Variants in RBFOX3 observed in about 807,000 individuals in gnomAD.
RBFOX3 encodes the protein RNA binding protein fox-1 homolog 3.
A neutral mutation model predicts 48.7 loss-of-function variants in RBFOX3; 17 were observed. The observed-to-expected ratio is 0.35, with a 90% CI of 0.24 to 0.52. The LOEUF is 0.52. Ranked by LOEUF, RBFOX3 falls within the 20% of genes least tolerant of loss-of-function variation. RBFOX3 has a pLI of 0.94. For synonymous variants in RBFOX3, 212 were observed against 209.5 expected, an observed-to-expected ratio of 1.01 and a Z score of -0.10; for missense variants, 382 against 497.5, an observed-to-expected ratio of 0.77 and a Z score of 2.21.
intron 4 of RBFOX3, among the ~76,000 whole-genome samples, chr17:79,158,674 C>T (rs1307482958): frequency 6.6e-6 from 1 of 152,200 alleles, no homozygotes; most frequent in South Asian, 2.1e-4. Context: ...GGGCTCAGAG[C>T]TCACTGTTTT....
At chr17:79,569,517 G>A (rs941867214) in intron 1 of RBFOX3, among the ~76,000 whole-genome samples, 11 of 152,238 alleles carry the variant, frequency 7.2e-5, no homozygotes, top group African/African-American at 2.7e-4. Flanking sequence ...ATTGTGTGGT[G>A]AATGATGATG....
chr17:79,272,903 G>A (rs974034977), intron 3 of RBFOX3, among the ~76,000 whole-genome samples: 1 of 119,856 alleles, frequency 8.3e-6, no homozygotes, highest in African/African-American at 3.1e-5. Context: ...TGCTTGCCCC[G>A]TGTCCCCATC....
intron 2 of RBFOX3, among the ~76,000 whole-genome samples, chr17:79,373,707 C>T (rs376433826): frequency 2.6e-5 from 4 of 152,114 alleles, no homozygotes; most frequent in African/African-American, 7.2e-5. Context: ...AGAGCTCCCC[C>T]TCAACCCCCG....
intron 4 of RBFOX3, among the ~76,000 whole-genome samples, chr17:79,194,048 G>T (rs1355225392): frequency 6.6e-6 from 1 of 152,172 alleles, no homozygotes; most frequent in Non-Finnish European, 1.5e-5. Flanking sequence ...AAACCCTGAT[G>T]TTCTCCCTGC....
intron 2 of RBFOX3, among the ~76,000 whole-genome samples, chr17:79,454,272 G>T (rs1433629036): frequency 6.6e-6 from 1 of 152,114 alleles, no homozygotes; most frequent in African/African-American, 2.4e-5. Flanking sequence ...CCTCCCTTGA[G>T]GCCTCTCCTC....
chr17:79,248,403 A>G (rs1355533599), intron 3 of RBFOX3, among the ~76,000 whole-genome samples: 3 of 152,126 alleles, frequency 2.0e-5, no homozygotes. Flanking sequence ...GTGGCTTTGA[A>G]GTGATTAAAA....
the RBFOX3 span, among the ~76,000 whole-genome samples, chr17:79,628,015 C>T: frequency 6.6e-6 from 1 of 151,700 alleles, no homozygotes; most frequent in Non-Finnish European, 1.5e-5. Flanking sequence ...TGCACAGAGG[C>T]TCTGCTCAGG....
intron 2 of RBFOX3, among the ~76,000 whole-genome samples, chr17:79,394,816 C>A (rs953902123): frequency 1.3e-5 from 2 of 152,196 alleles, no homozygotes; most frequent in Non-Finnish European, 2.9e-5. Flanking sequence ...ACTCCTGAGA[C>A]GTCCCGGGCC....
chr17:79,420,128 TACACAC>T (rs58282867), intron 2 of RBFOX3, among the ~76,000 whole-genome samples: 1,423 of 114,330 alleles, frequency 0.012, 10 homozygotes, highest in African/African-American at 0.014. Context: ...CTCCGTCTCA[TACACAC>T]ACACACACAC....
intron 2 of RBFOX3, among the ~76,000 whole-genome samples, chr17:79,412,615 T>C (rs2064612807): frequency 6.7e-6 from 1 of 150,184 alleles, no homozygotes; most frequent in Non-Finnish European, 1.5e-5. Flanking sequence ...GGCATGGTGT[T>C]ATGTGTGTGT....
the RBFOX3 span, among the ~76,000 whole-genome samples, chr17:79,625,434 G>T: frequency 6.6e-6 from 1 of 152,164 alleles, no homozygotes; most frequent in Non-Finnish European, 1.5e-5. Flanking sequence ...CTCCAGGTTA[G>T]GGGTATCGTA....
intron 2 of RBFOX3, among the ~76,000 whole-genome samples, chr17:79,350,840 G>A (rs536438017): frequency 3.3e-4 from 50 of 152,254 alleles, no homozygotes; most frequent in African/African-American, 9.4e-4. Flanking sequence ...GAGCTCAGGC[G>A]CCCCCATGGC....
chr17:79,495,922 C>G (rs1253063770), intron 1 of RBFOX3, among the ~76,000 whole-genome samples: 2 of 151,908 alleles, frequency 1.3e-5, no homozygotes, highest in Non-Finnish European at 2.9e-5. Context: ...AGCCTCGGCA[C>G]AGCCTGAGCA....
chr17:79,202,240 G>C (rs2056866626), intron 4 of RBFOX3, among the ~76,000 whole-genome samples: 1 of 152,224 alleles, frequency 6.6e-6, no homozygotes, highest in South Asian at 2.1e-4. Context: ...ATCTACAGGG[G>C]CCTCTTATCC....
rs1053932400 is a variant in RBFOX3 at position 79,487,875 on chromosome 17, G to C, written c.-319-5277C>G. ...TGCAGTGAGCCGAGATCGCTCCACTGCACTCCAGCCTGGGTGACAGAGCAA... is the reference window on the plus strand; with the variant it reads ...TGCAGTGAGCCGAGATCGCTCCACTCCACTCCAGCCTGGGTGACAGAGCAA... On this transcript the variant is annotated intron_variant, in intron 1 of 14. Transcript: ENST00000693108. 9.8e-5 allele frequency among the ~76,000 whole-genome samples: 13 copies of C among 132,942 alleles called. No homozygotes were observed. In the East Asian group the frequency reaches 3.2e-3, roughly 33 times the overall value. 87.2% of individuals were successfully genotyped at this position (132,942 alleles called of 152,430 possible).
At chr17:79,306,271 G>C (rs1187357087) in intron 3 of RBFOX3, among the ~76,000 whole-genome samples, 1 of 152,258 alleles carries the variant, frequency 6.6e-6, no homozygotes, top group Non-Finnish European at 1.5e-5. Flanking sequence ...AAACGAGACG[G>C]GGCTGTGAGA....
rs1274190299 is a variant in RBFOX3, at chr17:79,363,819, C to T, written c.-174-55995G>A. ...GGTCAATCAGCTCGCACCCCTGCCCCACTCAGAACTCTCTGGGGCTGTCCA... is the reference window on the plus strand; with the variant it reads ...GGTCAATCAGCTCGCACCCCTGCCCTACTCAGAACTCTCTGGGGCTGTCCA... On this transcript the variant is annotated intron_variant, in intron 2 of 14. Transcript: ENST00000693108. This position sits in a 1 kb window ranked among gnomAD's most constrained non-coding sequence, Gnocchi z 4.7. Among the ~76,000 whole-genome samples the T allele has an allele frequency of 6.6e-6, 1 of 152,136 alleles. No individual in the cohort carries two copies. The highest frequency in any genetic ancestry group is 2.4e-5 in the African/African-American group (1 of 41,434).
At chr17:79,144,530 C>G (rs780910097) in intron 4 of RBFOX3, among the ~76,000 whole-genome samples, 7 of 152,130 alleles carry the variant, frequency 4.6e-5, no homozygotes, top group Non-Finnish European at 1.0e-4. Flanking sequence ...CTGCGCCCCA[C>G]TGCTGGGGCC....
chr17:79,222,283 C>A (rs1299894308), intron 4 of RBFOX3, among the ~76,000 whole-genome samples: 1 of 151,790 alleles, frequency 6.6e-6, no homozygotes, highest in Non-Finnish European at 1.5e-5. Flanking sequence ...TGCCAAGGAA[C>A]CAGCCCTGGC....
Sources: gnomAD v4.1 joint callset for allele counts (sites outside exome capture counted in the v4.1 genomes callset) on GRCh38, gnomAD v4.1.1 for gene constraint, Gnocchi (gnomAD v3.1) non-coding constraint, MANE v1.5 for transcripts, NCBI Gene and HGNC (gene_info 2026-07-23, HGNC 2026-07-21) for gene names.